The following TTYH2 variants were observed in gnomAD, a reference collection of about 807,000 sequenced individuals.
The protein encoded by TTYH2 is protein tweety homolog 2.
Under a neutral mutation model 68.3 loss-of-function variants are expected in TTYH2, and 49 were observed. That is an observed-to-expected ratio of 0.72 (90% CI 0.57 to 0.91). The LOEUF is 0.91. Among genes scored for constraint, TTYH2 ranks in the 40% least tolerant of loss-of-function variants. TTYH2 has a pLI of 0.00. For missense variants in TTYH2, 631 were observed against 700.4 expected, an observed-to-expected ratio of 0.90 and a Z score of 1.12; for synonymous variants, 272 against 300.8, an observed-to-expected ratio of 0.90 and a Z score of 0.99.
rs1240141811 is a variant in TTYH2, at chr17:74,243,905, C to T, written c.732-72C>T. On this transcript the variant is annotated intron_variant, in intron 5 of 13. Transcript: ENST00000269346. ...TGGATCCATTGCAAGGGTCTGGGGG[C>T]AGGGTGGGTGGGGTGATGGCTGAGA... is the stretch of plus-strand genomic sequence containing the variant. 5 of 1,293,566 alleles carry T rather than the reference C, an allele frequency of 3.9e-6. No homozygotes were observed. The Admixed American group carries it at 1.0e-4, about 27-fold the overall frequency. 80.1% of individuals were successfully genotyped at this position (1,293,566 alleles called of 1,614,324 possible).
intron 6 of TTYH2, among the ~76,000 whole-genome samples, chr17:74,246,914 G>C (rs142508051): frequency 0.011 from 1,632 of 152,184 alleles, 28 homozygotes; most frequent in African/African-American, 0.037. Flanking sequence ...CAGGTGTGGT[G>C]GCTCACACCT....
At chr17:74,243,508 G>A (rs1438769572) in intron 5 of TTYH2, 39 bp downstream of exon 5, 12 of 1,599,872 alleles carry the variant, frequency 7.5e-6, no homozygotes, top group Non-Finnish European at 1.0e-5. Context: ...CAAAGAGCTG[G>A]GCAGGATGCC....
At chr17:74,231,306 A>G (rs947275404) in intron 3 of TTYH2, among the ~76,000 whole-genome samples, 14 of 152,216 alleles carry the variant, frequency 9.2e-5, no homozygotes, top group African/African-American at 3.4e-4. Flanking sequence ...GAACATGGAA[A>G]ATCAGCCCCA....
At chr17:74,226,768 GGTAGTGATTTTATATTTGGGAAAGA>G (rs982993070) in intron 2 of TTYH2, among the ~76,000 whole-genome samples, 5 of 152,188 alleles carry the variant, frequency 3.3e-5, no homozygotes, top group African/African-American at 9.6e-5. Flanking sequence ...ATGGGGGAAG[GGTAGTGATTTTATATTTGGGAAAGA>G]GTAGTGTGAA....
rs748573631 is a variant in TTYH2 at position 74,213,739 on chromosome 17, C to A, written c.129+23C>A. 6.2e-7 allele frequency: 1 copy of A among 1,605,238 alleles called. No homozygotes were observed. The highest frequency in any genetic ancestry group is 8.5e-7 in the Non-Finnish European group (1 of 1,175,574). On this transcript the variant is annotated intron_variant, in intron 1 of 13. Transcript: ENST00000269346. The surrounding 1 kb of genome is among the most constrained non-coding windows in gnomAD (Gnocchi z 6.1). The stretch of plus-strand genomic sequence containing the variant: ...GAGGTAAGTTTACGCCGCCCCAGAC[C>A]GCAGCCACGCGCGCCCCAAGTCCCC...
In TTYH2 at chr17:74,213,887, G is replaced by GCCCGCGT. The variant is rs1196967592; in HGVS notation, c.129+175_129+181dup. 2.6e-5 allele frequency among the ~76,000 whole-genome samples: 4 copies of GCCCGCGT among 152,024 alleles called. No homozygotes were observed. Among genetic ancestry groups the GCCCGCGT allele is most frequent in the Non-Finnish European group, 5.9e-5 (4 of 68,016 alleles). The stretch of plus-strand genomic sequence containing the variant: ...TTTCCCCCACCCTCCCAGGCCCGTG[G>GCCCGCGT]CCCGCGTCCCCTCCTGTCTGGGAAC... On this transcript the variant is annotated intron_variant, in intron 1 of 13. Coordinates refer to ENST00000269346, the MANE Select transcript of TTYH2 (RefSeq NM_032646.6). This position sits in a 1 kb window ranked among gnomAD's most constrained non-coding sequence, Gnocchi z 6.1.
At chr17:74,226,738 C>T (rs1222401558) in intron 2 of TTYH2, among the ~76,000 whole-genome samples, 3 of 152,028 alleles carry the variant, frequency 2.0e-5, no homozygotes, top group Non-Finnish European at 4.4e-5. Flanking sequence ...GGAGGATATA[C>T]CTCTTTGTTC....
chr17:74,225,887 C>A (rs541293675), intron 2 of TTYH2, among the ~76,000 whole-genome samples: 17 of 152,280 alleles, frequency 1.1e-4, no homozygotes, highest in South Asian at 4.1e-4. Flanking sequence ...CGCATAGATG[C>A]GGGCAAGAGT....
intron 3 of TTYH2, among the ~76,000 whole-genome samples, chr17:74,236,140 T>C (rs1318009930): frequency 6.6e-6 from 1 of 152,192 alleles, no homozygotes; most frequent in Non-Finnish European, 1.5e-5. Context: ...GGAGCCTGTC[T>C]GCCCACCCAG....
rs2050727352 is a variant in TTYH2, at chr17:74,259,595, GGTGTTT to G, written c.1525-533_1525-528del. Among the ~76,000 whole-genome samples, 3 of 152,262 alleles carry G rather than the reference GGTGTTT, an allele frequency of 2.0e-5. No homozygotes were observed. The South Asian group carries it at 6.2e-4, about 32-fold the overall frequency. On this transcript the variant is annotated intron_variant, in intron 13 of 13. Transcript: ENST00000269346. ...CATCGGGATGTTTTTAGGCTCCCCAGGTGTTTCTGGCGAGCAGCCCAGTTTGAGAGC... is the reference window on the plus strand; with the variant it reads ...CATCGGGATGTTTTTAGGCTCCCCAGCTGGCGAGCAGCCCAGTTTGAGAGC...
At chr17:74,231,162 G>A (rs1243395832) in intron 3 of TTYH2, among the ~76,000 whole-genome samples, 163 bp downstream of exon 3, 4 of 152,316 alleles carry the variant, frequency 2.6e-5, no homozygotes, top group Non-Finnish European at 5.9e-5. Flanking sequence ...CCTCTGCTGG[G>A]GCAAATGGGC....
chr17:74,221,468 G>C lies in TTYH2; in HGVS notation c.130-1017G>C, dbSNP rs574968682. On this transcript the variant is annotated intron_variant, in intron 1 of 13. Coordinates refer to ENST00000269346, the MANE Select transcript of TTYH2 (RefSeq NM_032646.6). ...CCCTGCATAGGACTCCCTGAAACAG[G>C]CTTTCCCCAGCAGCACCCCCAGAGC... Among the ~76,000 whole-genome samples the C allele has an allele frequency of 1.4e-4, 21 of 152,294 alleles. No individual in the cohort carries two copies. In the East Asian group the frequency reaches 4.1e-3, roughly 29 times the overall value.
chr17:74,222,569 C>T lies in TTYH2; in HGVS notation c.214C>T (p.His72Tyr), dbSNP rs773040084. ...TGTGGCTTACCTGGTCTGTGCATGC[C>T]ACTGCCGGCGGGACGATGCGGTGCA... The part of the protein sequence containing the change: ...FLVAYLVCAC[H>Y]CRRDDAVQTK... Residue 72 changes from histidine to tyrosine, a missense_variant, in exon 2 of 14, where the codon CAC (histidine) becomes TAC (tyrosine). By Grantham distance (83) the His-to-Tyr change is moderately conservative (BLOSUM62 2). Transcript: ENST00000269346. This position sits in a 1 kb window ranked among gnomAD's most constrained non-coding sequence, Gnocchi z 5.2. 3.5e-5 allele frequency: 56 copies of T among 1,612,588 alleles called. No homozygotes were observed. In the South Asian group the frequency reaches 5.6e-4, roughly 16 times the overall value.
In TTYH2 at chr17:74,215,170, CGTGTGTGTGTGT is replaced by C. The variant is rs5822029; in HGVS notation, c.129+1477_129+1488del. 2.2e-4 allele frequency among the ~76,000 whole-genome samples: 32 copies of C among 147,488 alleles called. No individual in the cohort carries two copies. Among genetic ancestry groups the C allele is most frequent in the Admixed American group, 6.8e-5 (1 of 14,780 alleles). On this transcript the variant is annotated intron_variant, in intron 1 of 13. Transcript: ENST00000269346. The surrounding 1 kb of genome is among the most constrained non-coding windows in gnomAD (Gnocchi z 4.3). ...AGGCGGATATGATTTCAGAAACAGC[CGTGTGTGTGTGT>C]GTGTGTGTGTGTGTGTGTGTGTCCC... is the stretch of plus-strand genomic sequence containing the variant.
In TTYH2 at chr17:74,253,896, C is replaced by G. The variant is rs1598234513; in HGVS notation, c.1524+63C>G. The G allele has an allele frequency of 3.3e-6, 5 of 1,503,594 alleles. 1 individual carries two copies. In the Admixed American group the frequency reaches 8.4e-5, roughly 25 times the overall value. 93.1% of individuals were successfully genotyped at this position (1,503,594 alleles called of 1,614,324 possible). A position where few individuals can be genotyped will look rare whatever the true frequency, so the allele number is the denominator to read the frequency against. ...CATAAAGACAAAACCTCCTGCCAAC[C>G]CAGTGAATCCTGTCCACAAAGGCAG... is the stretch of plus-strand genomic sequence containing the variant. On this transcript the variant is annotated intron_variant, in intron 13 of 13. Transcript: ENST00000269346.
rs1171951504 is a variant in TTYH2, at chr17:74,241,604, C to T, written c.636-1770C>T. On this transcript the variant is annotated intron_variant, in intron 4 of 13. Transcript: ENST00000269346. This position sits in a 1 kb window ranked among gnomAD's most constrained non-coding sequence, Gnocchi z 4.1. ...CCCTCTCTCCCTCGGAGCCTCTTTG[C>T]CACTTTCTGCCAGCTCCAGGGCACT... 6.6e-6 allele frequency among the ~76,000 whole-genome samples: 1 copy of T among 152,172 alleles called. No individual in the cohort carries two copies. The highest frequency in any genetic ancestry group is 1.5e-5 in the Non-Finnish European group (1 of 68,016).
Position 74,249,348 on chromosome 17 carries a change from G to A in TTYH2, c.879G>A (p.Val293=). ...NVTEGQISTE[V]TRYYLYCSQS... Reference sequence around the variant, plus strand: ...CGTTATGCCGTTGCCCTGCAGAGGTGACTCGCTACTACCTGTATTGCAGCC... The same window carrying A: ...CGTTATGCCGTTGCCCTGCAGAGGTAACTCGCTACTACCTGTATTGCAGCC... The change falls in exon 8 of 14, where the codon GTG becomes GTA. Residue 293 remains valine, a synonymous_variant. Coordinates refer to ENST00000269346, the MANE Select transcript of TTYH2 (RefSeq NM_032646.6). The A allele has an allele frequency of 6.2e-7, 1 of 1,614,136 alleles. No individual in the cohort carries two copies.
In TTYH2 at chr17:74,241,294, T is replaced by TGTGTGTGTGTGC. The variant is rs200185724; in HGVS notation, c.636-2077_636-2076insTGTGTGTGCGTG. Among the ~76,000 whole-genome samples the TGTGTGTGTGTGC allele has an allele frequency of 4.4e-3, 631 of 144,306 alleles. 6 individuals carry two copies. Among genetic ancestry groups the TGTGTGTGTGTGC allele is most frequent in the African/African-American group, 0.016 (595 of 38,134 alleles). 94.7% of individuals were successfully genotyped at this position (144,306 alleles called of 152,430 possible). The stretch of plus-strand genomic sequence containing the variant: ...GTGTGTGTGTGTGTGTGTGTGTGTG[T>TGTGTGTGTGTGC]GTGCGTGTAAAAATAAGAATGTGAT... On this transcript the variant is annotated intron_variant, in intron 4 of 13. Coordinates refer to ENST00000269346, the MANE Select transcript of TTYH2 (RefSeq NM_032646.6). The surrounding 1 kb of genome is among the most constrained non-coding windows in gnomAD (Gnocchi z 4.1).
At chr17:74,223,986 G>C (rs2050304978) in intron 2 of TTYH2, among the ~76,000 whole-genome samples, 2 of 152,250 alleles carry the variant, frequency 1.3e-5, no homozygotes, top group Admixed American at 1.3e-4. Context: ...GGGGACCAAG[G>C]CTGCTGCAAT....
Sources: gnomAD v4.1 joint callset for allele counts (sites outside exome capture counted in the v4.1 genomes callset) on GRCh38, gnomAD v4.1.1 for gene constraint, Gnocchi (gnomAD v3.1) non-coding constraint, MANE v1.5 for transcripts, NCBI Gene and HGNC (gene_info 2026-07-23, HGNC 2026-07-21) for gene names.